The following CNTN4 variants were observed in gnomAD, a reference collection of about 807,000 sequenced individuals.
CNTN4 encodes contactin 4.
CNTN4 carries 77 observed loss-of-function variants against 122.5 expected under a neutral mutation model. The observed-to-expected ratio is 0.63, with a 90% CI of 0.52 to 0.76. The LOEUF (loss-of-function observed/expected upper bound fraction) is 0.76. CNTN4 is among the 30% of genes least tolerant of loss of function. The probability of loss-of-function intolerance (pLI) is 0.00; values close to 1 mark genes in which losing one functional copy is unlikely to be tolerated. For missense variants in CNTN4, 1,256 were observed against 1,259.1 expected, an observed-to-expected ratio of 1.00 and a Z score of 0.04; for synonymous variants, 512 against 447.0, an observed-to-expected ratio of 1.15 and a Z score of -1.83.
At chr3:2,352,263 C>A (rs2044657520) in intron 3 of CNTN4, among the ~76,000 whole-genome samples, 1 of 152,146 alleles carries the variant, frequency 6.6e-6, no homozygotes, top group African/African-American at 2.4e-5. Flanking sequence ...ACTGTGGGCA[C>A]CTCCTCAGGC....
At chr3:2,598,695 C>T (rs2080886853) in intron 4 of CNTN4, among the ~76,000 whole-genome samples, 1 of 152,020 alleles carries the variant, frequency 6.6e-6, no homozygotes, top group Non-Finnish European at 1.5e-5. Context: ...AAAGTAAAAG[C>T]AACAAAATAT....
intron 2 of CNTN4, among the ~76,000 whole-genome samples, chr3:2,231,275 C>G (rs2039477500): frequency 6.6e-6 from 1 of 152,164 alleles, no homozygotes; most frequent in Non-Finnish European, 1.5e-5. Flanking sequence ...CCAAGTAGGA[C>G]AGCTTGGCTC....
Position 2,242,727 on chromosome 3 carries a change from ATGG to A in CNTN4, c.-144-96450_-144-96448del, listed in dbSNP as rs991769109. ...ATCTGGACATTTCACCCTTCCGCAT[ATGG>A]GAGTAAAACCTATAAGGAGACTAAT... On this transcript the variant is annotated intron_variant, in intron 2 of 24. Coordinates refer to ENST00000418658, the MANE Select transcript of CNTN4 (RefSeq NM_175607.3). Among the ~76,000 whole-genome samples, 8 of 152,278 alleles carry A rather than the reference ATGG, an allele frequency of 5.3e-5. No homozygotes were observed. The South Asian group carries it at 1.5e-3, about 28-fold the overall frequency.
chr3:2,263,536 T>C (rs2040921287), intron 2 of CNTN4, among the ~76,000 whole-genome samples: 1 of 152,120 alleles, frequency 6.6e-6, no homozygotes, highest in Non-Finnish European at 1.5e-5. Context: ...GGAGTGCATA[T>C]GATATTTTGA....
At chr3:2,969,187 G>A (rs56356022) in intron 13 of CNTN4, among the ~76,000 whole-genome samples, 1 of 152,140 alleles carries the variant, frequency 6.6e-6, no homozygotes, top group South Asian at 2.1e-4. Context: ...ATTTTTGTTG[G>A]TTTCATTCTT....
intron 2 of CNTN4, among the ~76,000 whole-genome samples, chr3:2,133,458 T>C (rs1213964945): frequency 1.3e-5 from 2 of 152,162 alleles, no homozygotes; most frequent in Non-Finnish European, 2.9e-5. Flanking sequence ...ATTTTGCAAA[T>C]AGTGATAAGG....
At chr3:2,974,494 A>AC (rs1221934315) in intron 13 of CNTN4, among the ~76,000 whole-genome samples, 2 of 152,072 alleles carry the variant, frequency 1.3e-5, no homozygotes, top group Admixed American at 6.6e-5. Context: ...GTTAATTATG[A>AC]CCCCCATTTT....
intron 2 of CNTN4, among the ~76,000 whole-genome samples, chr3:2,256,862 G>A (rs2040612621): frequency 6.6e-6 from 1 of 152,028 alleles, no homozygotes; most frequent in Non-Finnish European, 1.5e-5. Flanking sequence ...TGGCCATAAG[G>A]TAAAAGTAAT....
Position 2,310,947 on chromosome 3 carries a change from C to T in CNTN4, c.-144-28231C>T, listed in dbSNP as rs367866494. Among the ~76,000 whole-genome samples, 13 of 152,180 alleles carry T rather than the reference C, an allele frequency of 8.5e-5. No homozygotes were observed. The South Asian group carries it at 2.5e-3, about 29-fold the overall frequency. ...CAGTAGATGTGTTTTGAAAATTTCA[C>T]ATTTGATTTATAAACAAAAAGACTC... On this transcript the variant is annotated intron_variant, in intron 2 of 24. Transcript: ENST00000418658.
At chr3:2,714,190 C>T (rs2087335558) in intron 4 of CNTN4, among the ~76,000 whole-genome samples, 2 of 151,992 alleles carry the variant, frequency 1.3e-5, no homozygotes, top group Non-Finnish European at 2.9e-5. Context: ...AATTTCACAA[C>T]AATTTTTTTA....
At chr3:2,508,881 T>G (rs946906057) in intron 3 of CNTN4, among the ~76,000 whole-genome samples, 1 of 152,172 alleles carries the variant, frequency 6.6e-6, no homozygotes, top group Non-Finnish European at 1.5e-5. Context: ...TTTCCCAGAT[T>G]TAGATTTTTA....
intron 6 of CNTN4, among the ~76,000 whole-genome samples, chr3:2,813,732 A>G (rs1201995385): frequency 1.3e-5 from 2 of 152,148 alleles, no homozygotes; most frequent in Middle Eastern, 3.4e-3. Context: ...TCTTGATTTT[A>G]TATCCTCTAG....
At chr3:2,324,289 TG>T (rs2043374667) in intron 2 of CNTN4, among the ~76,000 whole-genome samples, 1 of 151,694 alleles carries the variant, frequency 6.6e-6, no homozygotes, top group Non-Finnish European at 1.5e-5. Flanking sequence ...AATAACTGGA[TG>T]TGTCTGCAGC....
intron 2 of CNTN4, among the ~76,000 whole-genome samples, chr3:2,239,529 C>T (rs772426989): frequency 6.6e-5 from 10 of 152,150 alleles, no homozygotes; most frequent in Non-Finnish European, 7.4e-5. Context: ...CTTGCTCTTA[C>T]AAGCTTTGGG....
chr3:2,107,214 G>A (rs1275146102), intron 2 of CNTN4, among the ~76,000 whole-genome samples: 1 of 152,044 alleles, frequency 6.6e-6, no homozygotes, highest in South Asian at 2.1e-4. Context: ...CCACATTTTC[G>A]GGTATCTTTA....
In CNTN4 at chr3:2,343,402, T is replaced by G. The variant is rs746023875; in HGVS notation, c.-89+4169T>G. Among the ~76,000 whole-genome samples, 51 of 152,132 alleles carry G rather than the reference T, an allele frequency of 3.4e-4. 1 individual carries two copies. The highest frequency in any genetic ancestry group is 6.0e-4 in the Non-Finnish European group (41 of 68,026). ...TCACTTCAGCCTCTAATTTGCCCCC[T>G]CCTGCAACCAATCAGACGTTTGCAT... On this transcript the variant is annotated intron_variant, in intron 3 of 24. Coordinates refer to ENST00000418658, the MANE Select transcript of CNTN4 (RefSeq NM_175607.3).
At chr3:2,923,693 A>T (rs923504510) in intron 12 of CNTN4, among the ~76,000 whole-genome samples, 9 of 152,154 alleles carry the variant, frequency 5.9e-5, no homozygotes, top group Non-Finnish European at 1.2e-4. Flanking sequence ...TTCTTCCATC[A>T]AGCTACCTTC....
rs147579576 is a variant in CNTN4, at chr3:2,509,040, T to G, written c.-88-62376T>G. On this transcript the variant is annotated intron_variant, in intron 3 of 24. Transcript: ENST00000418658. ...GATGGCAAAGTGAATCTATTACATA[T>G]CATAATCAAAGATTAATCAAAGTAA... Among the ~76,000 whole-genome samples, 387 of 152,316 alleles carry G rather than the reference T, an allele frequency of 2.5e-3. 2 individuals are homozygous for G. Among genetic ancestry groups the G allele is most frequent in the African/African-American group, 8.8e-3 (367 of 41,570 alleles).
chr3:2,808,194 G>T (rs1310137015), intron 6 of CNTN4, among the ~76,000 whole-genome samples: 1 of 149,662 alleles, frequency 6.7e-6, no homozygotes, highest in East Asian at 1.9e-4. Flanking sequence ...GTAGTCTCTG[G>T]GGTTTGATCA....
Sources: gnomAD v4.1 joint callset for allele counts (sites outside exome capture counted in the v4.1 genomes callset) on GRCh38, gnomAD v4.1.1 for gene constraint, MANE v1.5 for transcripts, NCBI Gene and HGNC (gene_info 2026-07-23, HGNC 2026-07-21) for gene names.